CUBN: variants seen among roughly 807,000 people sequenced by gnomAD.
CUBN encodes 460 kDa receptor.
In CUBN, 282 loss-of-function variants were observed where a neutral mutation model predicts 405.3. That is an observed-to-expected ratio of 0.70 (90% CI 0.63 to 0.77). The LOEUF (loss-of-function observed/expected upper bound fraction) is 0.77. Ranked by LOEUF, CUBN falls within the 30% of genes least tolerant of loss-of-function variation. The pLI is 0.00. For synonymous variants in CUBN, 1,684 were observed against 1,617.0 expected, an observed-to-expected ratio of 1.04 and a Z score of -0.99; for missense variants, 4,514 against 4,475.2, an observed-to-expected ratio of 1.01 and a Z score of -0.25.
intron 60 of CUBN, among the ~76,000 whole-genome samples, chr10:16,842,622 ATCT>A (rs1839387496): frequency 6.6e-6 from 1 of 152,110 alleles, no homozygotes; most frequent in African/African-American, 2.4e-5. Flanking sequence ...CCACTGAAAC[ATCT>A]TCTTAATAGG....
intron 22 of CUBN, among the ~76,000 whole-genome samples, chr10:17,055,619 G>T (rs1447487991): frequency 6.6e-6 from 1 of 151,962 alleles, no homozygotes; most frequent in Admixed American, 6.6e-5. Flanking sequence ...GCATATATCA[G>T]CCAAACAACC....
intron 6 of CUBN, among the ~76,000 whole-genome samples, chr10:17,119,018 G>A (rs1483760299): frequency 6.6e-6 from 1 of 152,194 alleles, no homozygotes; most frequent in East Asian, 1.9e-4. Flanking sequence ...TGGCAATTGA[G>A]AAGAGGTTAA....
chr10:16,931,321 T>G (rs963949164), intron 40 of CUBN, among the ~76,000 whole-genome samples: 3 of 151,902 alleles, frequency 2.0e-5, no homozygotes, highest in Non-Finnish European at 4.4e-5. Flanking sequence ...TGTAAATGAC[T>G]ACAATACTCA....
intron 15 of CUBN, among the ~76,000 whole-genome samples, chr10:17,087,466 C>CTTTATCTTTTTTTTTTTT (rs1836139985): frequency 1.3e-5 from 1 of 79,772 alleles, no homozygotes; most frequent in African/African-American, 5.6e-5. Flanking sequence ...TATTATTTTT[C>CTTTATCTTTTTTTTTTTT]TTTTTCTTTT....
At chr10:17,026,145 A>C (rs989926365) in intron 27 of CUBN, among the ~76,000 whole-genome samples, 9 of 152,216 alleles carry the variant, frequency 5.9e-5, no homozygotes, top group African/African-American at 2.2e-4. Flanking sequence ...GCATCTGCTC[A>C]GATGTTCCCC....
At chr10:17,042,098 T>C (rs1024598118) in intron 26 of CUBN, among the ~76,000 whole-genome samples, 1 of 152,216 alleles carries the variant, frequency 6.6e-6, no homozygotes, top group Admixed American at 6.5e-5. Flanking sequence ...ATATGCTTTC[T>C]GAAGGTGGGT....
chr10:17,035,668 G>A (rs1484260781), intron 27 of CUBN, among the ~76,000 whole-genome samples: 1 of 152,182 alleles, frequency 6.6e-6, no homozygotes, highest in African/African-American at 2.4e-5. Flanking sequence ...AAAAGAGCAA[G>A]ATCAGGTCCT....
intron 59 of CUBN, 112 bp downstream of exon 59, chr10:16,869,524 C>A: frequency 1.2e-6 from 1 of 823,222 alleles, no homozygotes; most frequent in Admixed American, 1.9e-5. Flanking sequence ...TTCTTCTAAG[C>A]TTCAAGGAAA....
In CUBN at chr10:17,100,198, C is replaced by A; in HGVS notation, c.1572G>T (p.Met524Ile). 6.2e-7 allele frequency: 1 copy of A among 1,613,912 alleles called. No individual in the cohort carries two copies. Among genetic ancestry groups the A allele is most frequent in the Non-Finnish European group, 8.5e-7 (1 of 1,179,890 alleles). ...ITFTFFRLES[M>I]DNCPHEFLQV... ...GAAGAAACTCGTGTGGACAGTTGTC[C>A]ATGGATTCTAACCGGAAAAAAGTGA... is the stretch of plus-strand genomic sequence containing the variant. Residue 524 changes from methionine (M) to isoleucine (I), a missense_variant, in exon 14 of 67, where the codon ATG becomes ATT. This residue lies in a region of CUBN where 1,448 missense variants were observed against 1,388.0 expected (regional missense o/e 1.04). Coordinates refer to ENST00000377833, the MANE Select transcript of CUBN (RefSeq NM_001081.4).
intron 56 of CUBN, among the ~76,000 whole-genome samples, chr10:16,883,264 G>T (rs1460470716): frequency 6.6e-6 from 1 of 152,152 alleles, no homozygotes; most frequent in Non-Finnish European, 1.5e-5. Context: ...CTAGTATACA[G>T]CTAAGTTCCA....
intron 60 of CUBN, among the ~76,000 whole-genome samples, chr10:16,850,383 C>G (rs1205824107): frequency 1.3e-5 from 2 of 152,162 alleles, no homozygotes; most frequent in Admixed American, 6.5e-5. Context: ...CACTTGTAAT[C>G]TGAACCTATA....
Position 17,127,819 on chromosome 10 carries a change from T to C in CUBN, c.348+10A>G, listed in dbSNP as rs373954000. ...CTCATCGGTTCTTATGACGTAGATG[T>C]CAGACTTACCTTGGAATTAAGCTGA... On this transcript the variant is annotated intron_variant, in intron 3 of 66. Transcript: ENST00000377833. 110 of 1,601,080 alleles carry C rather than the reference T, an allele frequency of 6.9e-5. No individual in the cohort carries two copies. The highest frequency in any genetic ancestry group is 9.0e-5 in the Non-Finnish European group (105 of 1,168,478).
chr10:17,066,367 A>T (rs191664660), intron 21 of CUBN, among the ~76,000 whole-genome samples: 105 of 152,328 alleles, frequency 6.9e-4, no homozygotes, highest in African/African-American at 2.4e-3. Flanking sequence ...ACAATAAAAT[A>T]GGAATCTCAA....
At chr10:16,932,097 A>T (rs1842378936) in intron 40 of CUBN, among the ~76,000 whole-genome samples, 1 of 151,968 alleles carries the variant, frequency 6.6e-6, no homozygotes, top group African/African-American at 2.4e-5. Flanking sequence ...AAAAAGGGGG[A>T]GTGTCATGCT....
At chr10:17,027,450 C>T (rs934151717) in intron 27 of CUBN, among the ~76,000 whole-genome samples, 4 of 152,058 alleles carry the variant, frequency 2.6e-5, no homozygotes, top group Non-Finnish European at 4.4e-5. Flanking sequence ...ATACAAGGAG[C>T]GATGACAGGA....
rs757426720 is a variant in CUBN, at chr10:16,840,463, T to C, written c.9899A>G (p.Asp3300Gly). ...CCAAGTACAGATGGAAAATGGGACA[T>C]CTGGGTCTGATGAATTGGGTGATGA... The part of the protein sequence containing the change: ...NISSPNSSDP[D>G]VPFSICTWVI... The change falls in exon 62 of 67, where the codon GAT becomes GGT. Residue 3300 changes from aspartate to glycine, a missense_variant. By Grantham distance (94) the Asp-to-Gly change is moderately conservative (BLOSUM62 -1). This residue lies in a region of CUBN where 1,186 missense variants were observed against 1,186.9 expected (regional missense o/e 1.00). Coordinates refer to ENST00000377833, the MANE Select transcript of CUBN (RefSeq NM_001081.4). 2.5e-6 allele frequency: 4 copies of C among 1,614,036 alleles called. No homozygotes were observed. Among genetic ancestry groups the C allele is most frequent in the East Asian group, 4.5e-5 (2 of 44,866 alleles).
intron 59 of CUBN, among the ~76,000 whole-genome samples, chr10:16,862,402 T>G (rs959850126): frequency 2.6e-5 from 4 of 152,162 alleles, no homozygotes; most frequent in African/African-American, 9.7e-5. Flanking sequence ...CTGGTAGCTC[T>G]GAGGATTAGA....
In CUBN at chr10:17,018,778, C is replaced by T. The variant is rs184562762; in HGVS notation, c.4168+1055G>A. Among the ~76,000 whole-genome samples the T allele has an allele frequency of 2.1e-4, 32 of 152,156 alleles. 1 individual carries two copies. The highest frequency in any genetic ancestry group is 1.8e-3 in the Admixed American group (27 of 15,284). On this transcript the variant is annotated intron_variant, in intron 28 of 66. Coordinates refer to ENST00000377833, the MANE Select transcript of CUBN (RefSeq NM_001081.4). Reference sequence around the variant, plus strand: ...CACTGATTGGTCCGTTTTTACAGACCGCTGATTGGTACATTTACAAACCTT... The same window carrying T: ...CACTGATTGGTCCGTTTTTACAGACTGCTGATTGGTACATTTACAAACCTT...
intron 46 of CUBN, 63 bp downstream of exon 46, chr10:16,915,758 C>T (rs1286714670): frequency 7.1e-7 from 1 of 1,402,704 alleles, no homozygotes; most frequent in Non-Finnish European, 1.0e-6. Flanking sequence ...GAAGAAACTT[C>T]AGAGGCTGAA....
Sources: allele counts gnomAD v4.1 joint callset (sites outside exome capture counted in the v4.1 genomes callset), GRCh38; gene constraint gnomAD v4.1.1; regional missense constraint gnomAD v4.1.1; transcripts MANE v1.5; gene names NCBI Gene and HGNC (gene_info 2026-07-23, HGNC 2026-07-21).